Variants in KHDRBS2 observed in about 807,000 individuals in gnomAD.
The protein encoded by KHDRBS2 is KH RNA binding domain containing, signal transduction associated 2.
KHDRBS2 carries 26 observed loss-of-function variants against 44.3 expected under a neutral mutation model. That is an observed-to-expected ratio of 0.59 (90% CI 0.43 to 0.81). The LOEUF is 0.81. Among genes scored for constraint, KHDRBS2 ranks in the 40% least tolerant of loss-of-function variants. The pLI is 0.00. For missense variants in KHDRBS2, 476 were observed against 433.1 expected (o/e 1.10, Z -0.88); for synonymous variants, 194 against 151.1 (o/e 1.28, Z -2.08).
At chr6:61,566,325 G>A in the KHDRBS2 span, among the ~76,000 whole-genome samples, 2 of 152,108 alleles carry the variant, frequency 1.3e-5, no homozygotes, top group Admixed American at 1.3e-4. Context: ...GTGTTCTGTA[G>A]CACAATAGGA....
rs1386115515 is a variant in KHDRBS2, at chr6:62,131,260, T to C, written c.219+45925A>G. Among the ~76,000 whole-genome samples the C allele has an allele frequency of 3.9e-5, 6 of 152,206 alleles. No homozygotes were observed. The East Asian group carries it at 1.2e-3, about 29-fold the overall frequency. ...TGAATCTAGACACTGCCACATCTCT[T>C]GGAGTCTTAGCTTTCTCATTTGTTA... is the stretch of plus-strand genomic sequence containing the variant. On this transcript the variant is annotated intron_variant, in intron 2 of 8. Transcript: ENST00000281156.
At chr6:61,825,241 T>C (rs1347927402) in intron 6 of KHDRBS2, among the ~76,000 whole-genome samples, 1 of 152,184 alleles carries the variant, frequency 6.6e-6, no homozygotes, top group African/African-American at 2.4e-5. Context: ...CAAAGAATTG[T>C]CATCTGACAA....
chr6:62,049,343 T>G (rs1788454364), intron 2 of KHDRBS2, among the ~76,000 whole-genome samples: 1 of 151,912 alleles, frequency 6.6e-6, no homozygotes, highest in Non-Finnish European at 1.5e-5. Context: ...TTTCATGACC[T>G]CTTTCACACG....
intron 1 of KHDRBS2, among the ~76,000 whole-genome samples, chr6:62,227,989 T>C (rs1400576682): frequency 1.3e-5 from 2 of 152,192 alleles, no homozygotes; most frequent in Non-Finnish European, 2.9e-5. Context: ...TTTTTTGTTG[T>C]TGTTGTTTCT....
chr6:61,871,049 ACAAATTC>A (rs1798582499), intron 6 of KHDRBS2, among the ~76,000 whole-genome samples: 1 of 152,186 alleles, frequency 6.6e-6, no homozygotes, highest in South Asian at 2.1e-4. Flanking sequence ...GTGGGTAATA[ACAAATTC>A]CTCTGAGCTA....
In KHDRBS2 at chr6:62,132,455, T is replaced by G. The variant is rs1433537488; in HGVS notation, c.219+44730A>C. Among the ~76,000 whole-genome samples the G allele has an allele frequency of 2.6e-5, 4 of 152,220 alleles. No homozygotes were observed. In the East Asian group the frequency reaches 7.7e-4, roughly 29 times the overall value. ...CCCACTGAATCAGAAATTCTAAGGA[T>G]GGAGACCAATATCTTGTCTCGTTAC... On this transcript the variant is annotated intron_variant, in intron 2 of 8. Transcript: ENST00000281156.
intron 2 of KHDRBS2, among the ~76,000 whole-genome samples, chr6:62,166,386 C>A (rs1385389937): frequency 6.6e-6 from 1 of 151,840 alleles, no homozygotes; most frequent in Non-Finnish European, 1.5e-5. Flanking sequence ...TTGTGAAACC[C>A]ATATATTTTT....
the KHDRBS2 span, among the ~76,000 whole-genome samples, chr6:61,644,293 A>C: frequency 5.9e-5 from 9 of 152,200 alleles, no homozygotes; most frequent in Admixed American, 2.0e-4. Flanking sequence ...CACCATATTA[A>C]AAATAATCAA....
chr6:61,751,122 A>T (rs1448379291), intron 6 of KHDRBS2, among the ~76,000 whole-genome samples: 7 of 152,138 alleles, frequency 4.6e-5, no homozygotes, highest in South Asian at 2.1e-4. Context: ...ATAACTGAGG[A>T]TAACCTTGTA....
the KHDRBS2 span, among the ~76,000 whole-genome samples, chr6:61,651,310 A>G: frequency 1.2e-4 from 19 of 152,252 alleles, no homozygotes; most frequent in Non-Finnish European, 2.5e-4. Flanking sequence ...TACTTGCTAC[A>G]TAATGAGATA....
At chr6:61,995,799 T>C (rs1295018641) in intron 3 of KHDRBS2, among the ~76,000 whole-genome samples, 1 of 152,214 alleles carries the variant, frequency 6.6e-6, no homozygotes, top group Non-Finnish European at 1.5e-5. Context: ...ATAAAATGTA[T>C]CTGTCCACTT....
chr6:61,553,927 G>A, the KHDRBS2 span, among the ~76,000 whole-genome samples: 3 of 151,990 alleles, frequency 2.0e-5, no homozygotes, highest in African/African-American at 7.3e-5. Context: ...CAATTGTCTG[G>A]TCACTTTTAG....
the KHDRBS2 span, among the ~76,000 whole-genome samples, chr6:61,648,385 G>A: frequency 2.0e-5 from 3 of 152,084 alleles, no homozygotes; most frequent in African/African-American, 7.2e-5. Flanking sequence ...CCATCATCAT[G>A]AAAATGAAAA....
chr6:61,660,829 A>T, the KHDRBS2 span, among the ~76,000 whole-genome samples: 1 of 151,836 alleles, frequency 6.6e-6, no homozygotes, highest in African/African-American at 2.4e-5. Flanking sequence ...GTCATACTTT[A>T]GGCAAAGGCT....
the KHDRBS2 span, among the ~76,000 whole-genome samples, chr6:61,606,251 CT>C: frequency 6.6e-6 from 1 of 152,204 alleles, no homozygotes; most frequent in Non-Finnish European, 1.5e-5. Context: ...GTTTGGTGGT[CT>C]GTTCACATGG....
intron 6 of KHDRBS2, among the ~76,000 whole-genome samples, chr6:61,813,513 G>T (rs1788440331): frequency 6.6e-6 from 1 of 152,118 alleles, no homozygotes; most frequent in South Asian, 2.1e-4. Context: ...ATTGTCTGTG[G>T]TTTTGAGATG....
At chr6:61,568,243 C>T in the KHDRBS2 span, among the ~76,000 whole-genome samples, 2 of 152,124 alleles carry the variant, frequency 1.3e-5, no homozygotes, top group African/African-American at 4.8e-5. Context: ...GGTACTATAG[C>T]CTTGGATGAT....
At chr6:61,797,033 GTAGTCTGGTCTT>G (rs1785466622) in intron 6 of KHDRBS2, among the ~76,000 whole-genome samples, 1 of 152,136 alleles carries the variant, frequency 6.6e-6, no homozygotes, top group East Asian at 1.9e-4. Context: ...ATAAAACGAA[GTAGTCTGGTCTT>G]TATAGAAATA....
At chr6:61,954,044 A>G (rs1323156567) in intron 4 of KHDRBS2, among the ~76,000 whole-genome samples, 2 of 152,174 alleles carry the variant, frequency 1.3e-5, no homozygotes, top group Non-Finnish European at 2.9e-5. Context: ...TTGCCACAAA[A>G]TCAAGGTCTG....
Sources: allele counts gnomAD v4.1 joint callset (sites outside exome capture counted in the v4.1 genomes callset), GRCh38; gene constraint gnomAD v4.1.1; transcripts MANE v1.5; gene names NCBI Gene and HGNC (gene_info 2026-07-23, HGNC 2026-07-21).